NEK1: variants seen among roughly 807,000 people sequenced by gnomAD.
The protein encoded by NEK1 is serine/threonine-protein kinase Nek1.
Under a neutral mutation model 182.1 loss-of-function variants are expected in NEK1, and 137 were observed. The observed-to-expected ratio is 0.75, with a 90% CI of 0.65 to 0.87. NEK1 has a LOEUF of 0.87. Ranked by LOEUF, NEK1 falls within the 40% of genes least tolerant of loss-of-function variation. The pLI is 0.00. For synonymous variants in NEK1, 513 were observed against 492.2 expected (o/e 1.04, Z -0.56); for missense variants, 1,391 against 1,494.4 (o/e 0.93, Z 1.14).
chr4:169,588,882 C>T (rs1045657248), intron 7 of NEK1, 147 bp from the exon 8 acceptor site: 14 of 621,580 alleles, frequency 2.3e-5, no homozygotes, highest in African/African-American at 1.1e-4. Context: ...CCTAGTGACA[C>T]GGTGACTGAC....
chr4:169,494,259 C>A (rs1323543961), intron 23 of NEK1, among the ~76,000 whole-genome samples: 1 of 152,146 alleles, frequency 6.6e-6, no homozygotes, highest in Non-Finnish European at 1.5e-5. Context: ...TACCCCCACC[C>A]CACAACAGGC....
intron 23 of NEK1, among the ~76,000 whole-genome samples, chr4:169,498,908 T>A (rs1751889220): frequency 6.6e-6 from 1 of 152,196 alleles, no homozygotes; most frequent in African/African-American, 2.4e-5. Flanking sequence ...TCGAGGAGTA[T>A]CTTTGTGGCA....
chr4:169,498,497 C>T (rs943503995), intron 23 of NEK1, among the ~76,000 whole-genome samples: 5 of 152,140 alleles, frequency 3.3e-5, no homozygotes, highest in Non-Finnish European at 5.9e-5. Flanking sequence ...TTCTTACTAG[C>T]CTCGATGGTC....
intron 16 of NEK1, among the ~76,000 whole-genome samples, chr4:169,556,756 T>C (rs1452462292): frequency 7.1e-6 from 1 of 141,534 alleles, no homozygotes; most frequent in East Asian, 2.1e-4. Context: ...AAAAAAAAAA[T>C]CAACAGTAAA....
chr4:169,426,745 C>G (rs1736464849), intron 29 of NEK1, among the ~76,000 whole-genome samples: 1 of 151,958 alleles, frequency 6.6e-6, no homozygotes, highest in Non-Finnish European at 1.5e-5. Context: ...AAAAATGAAG[C>G]AGAGATCTAT....
intron 27 of NEK1, among the ~76,000 whole-genome samples, chr4:169,441,325 C>T (rs897793841): frequency 6.6e-6 from 1 of 152,210 alleles, no homozygotes; most frequent in African/African-American, 2.4e-5. Flanking sequence ...AGGCCTGGCC[C>T]ACTCACTGAT....
chr4:169,563,689 T>C (rs1031597506), intron 12 of NEK1, among the ~76,000 whole-genome samples: 2 of 152,238 alleles, frequency 1.3e-5, no homozygotes, highest in African/African-American at 4.8e-5. Context: ...ATGCTTCCAA[T>C]GTTTCATCAT....
At chr4:169,606,511 G>A (rs2150155220) in intron 2 of NEK1, among the ~76,000 whole-genome samples, 1 of 152,160 alleles carries the variant, frequency 6.6e-6, no homozygotes, top group South Asian at 2.1e-4. Context: ...GGAAGTACTG[G>A]GGCATCTAAG....
intron 27 of NEK1, among the ~76,000 whole-genome samples, chr4:169,459,851 T>C (rs1743628311): frequency 6.6e-6 from 1 of 152,062 alleles, no homozygotes; most frequent in African/African-American, 2.4e-5. Context: ...GATAGTAAAA[T>C]AATCAGTGGT....
intron 18 of NEK1, among the ~76,000 whole-genome samples, chr4:169,551,535 A>G (rs1336488121): frequency 6.6e-6 from 1 of 152,234 alleles, no homozygotes; most frequent in Non-Finnish European, 1.5e-5. Context: ...AGATATTAAA[A>G]AATTGAAAAC....
At chr4:169,588,446 G>A (rs1186929376) in intron 8 of NEK1, among the ~76,000 whole-genome samples, 1 of 152,030 alleles carries the variant, frequency 6.6e-6, no homozygotes, top group Non-Finnish European at 1.5e-5. Flanking sequence ...ATAATAAGGT[G>A]ATTCTTTCTG....
At chr4:169,494,876 T>G (rs1340775420) in intron 23 of NEK1, among the ~76,000 whole-genome samples, 1 of 152,224 alleles carries the variant, frequency 6.6e-6, no homozygotes, top group East Asian at 1.9e-4. Flanking sequence ...TCATGTGTCT[T>G]TTGGCTGCAG....
intron 19 of NEK1, among the ~76,000 whole-genome samples, chr4:169,521,649 G>A (rs1290137564): frequency 6.6e-6 from 1 of 152,204 alleles, no homozygotes; most frequent in Non-Finnish European, 1.5e-5. Context: ...CTGCATTTGA[G>A]AGTGTCTTTA....
At chr4:169,486,667 T>G (rs539566348) in intron 23 of NEK1, among the ~76,000 whole-genome samples, 1 of 152,240 alleles carries the variant, frequency 6.6e-6, no homozygotes, top group Non-Finnish European at 1.5e-5. Flanking sequence ...TGAATAAATT[T>G]TCTTAACTAG....
At chr4:169,426,940 A>T (rs1023444204) in intron 29 of NEK1, among the ~76,000 whole-genome samples, 18 of 152,304 alleles carry the variant, frequency 1.2e-4, no homozygotes, top group African/African-American at 4.1e-4. Flanking sequence ...AAAATAAAAA[A>T]GAACTCACAA....
chr4:169,411,438 GGC>G (rs1733662139), intron 31 of NEK1, among the ~76,000 whole-genome samples: 1 of 151,522 alleles, frequency 6.6e-6, no homozygotes, highest in African/African-American at 2.4e-5. Context: ...GCGACTTTCG[GGC>G]CTCAGCCTCC....
intron 12 of NEK1, among the ~76,000 whole-genome samples, chr4:169,569,763 G>A (rs974347055): frequency 6.6e-5 from 10 of 152,298 alleles, no homozygotes; most frequent in African/African-American, 9.6e-5. Flanking sequence ...CGAGGTGCCG[G>A]GATTGCAGAC....
chr4:169,554,911 G>C (rs1000591745), intron 18 of NEK1: 1 of 152,088 alleles, frequency 6.6e-6, no homozygotes, highest in Admixed American at 6.6e-5. Flanking sequence ...GGGGTACATA[G>C]GAACTCTCTG....
chr4:169,447,825 T>C (rs1740868393), intron 27 of NEK1, among the ~76,000 whole-genome samples: 2 of 152,052 alleles, frequency 1.3e-5, no homozygotes, highest in Non-Finnish European at 1.5e-5. Context: ...GCCGAGATCG[T>C]GCCACTGCAC....
Sources: gnomAD v4.1 joint callset for allele counts (sites outside exome capture counted in the v4.1 genomes callset) on GRCh38, gnomAD v4.1.1 for gene constraint, MANE v1.5 for transcripts, NCBI Gene and HGNC (gene_info 2026-07-23, HGNC 2026-07-21) for gene names.